Variants in GBE1 observed in about 807,000 individuals in gnomAD.
The protein encoded by GBE1 is 1,4-alpha-glucan branching enzyme 1, also known as 1,4-alpha-glucan-branching enzyme.
In GBE1, 70 loss-of-function variants were observed where a neutral mutation model predicts 88.8. The observed-to-expected ratio is 0.79, with a 90% CI of 0.65 to 0.96. GBE1 has a LOEUF of 0.96. Ranked by LOEUF, GBE1 falls within the 40% of genes least tolerant of loss-of-function variation. The pLI is 0.00. For synonymous variants in GBE1, 284 were observed against 300.1 expected (o/e 0.95, Z 0.56); for missense variants, 872 against 871.0 (o/e 1.00, Z -0.01).
chr3:81,546,201 C>T (rs531238741), intron 12 of GBE1, among the ~76,000 whole-genome samples: 1 of 150,798 alleles, frequency 6.6e-6, no homozygotes, highest in Non-Finnish European at 1.5e-5. Flanking sequence ...ACTGTACATG[C>T]ACACACACAC....
At chr3:81,525,389 T>C (rs1262471694) in intron 14 of GBE1, among the ~76,000 whole-genome samples, 1 of 152,070 alleles carries the variant, frequency 6.6e-6, no homozygotes, top group Non-Finnish European at 1.5e-5. Flanking sequence ...GCCCACTTGA[T>C]CATGGTGGAT....
At chr3:81,753,585 C>A (rs1388520661) in intron 1 of GBE1, among the ~76,000 whole-genome samples, 3 of 152,182 alleles carry the variant, frequency 2.0e-5, no homozygotes, top group African/African-American at 4.8e-5. Context: ...AGTTACAACA[C>A]ACACAGTCAT....
chr3:81,601,309 G>A (rs1460388874), intron 7 of GBE1, among the ~76,000 whole-genome samples: 2 of 152,128 alleles, frequency 1.3e-5, no homozygotes, highest in Admixed American at 6.6e-5. Context: ...GATCACTCAG[G>A]TAATAGGTAC....
intron 1 of GBE1, among the ~76,000 whole-genome samples, chr3:81,747,969 A>T (rs973960976): frequency 1.3e-5 from 2 of 152,182 alleles, no homozygotes; most frequent in East Asian, 3.8e-4. Flanking sequence ...TGGTCTCTTC[A>T]CACGGACGCG....
chr3:81,581,929 CT>C (rs1468371151), intron 10 of GBE1, among the ~76,000 whole-genome samples: 1 of 152,014 alleles, frequency 6.6e-6, no homozygotes. Context: ...TAAGTAGATA[CT>C]TGCTATACAT....
intron 7 of GBE1, among the ~76,000 whole-genome samples, chr3:81,638,475 T>C (rs536127404): frequency 6.6e-6 from 1 of 152,294 alleles, no homozygotes; most frequent in African/African-American, 2.4e-5. Context: ...AGTGCATTTA[T>C]GTAGTGCCAG....
At chr3:81,530,760 G>A (rs1703000671) in intron 14 of GBE1, among the ~76,000 whole-genome samples, 1 of 151,884 alleles carries the variant, frequency 6.6e-6, no homozygotes, top group South Asian at 2.1e-4. Flanking sequence ...GACTGTGCTG[G>A]GTCACACTTG....
At chr3:81,693,643 A>G (rs920910374) in intron 2 of GBE1, among the ~76,000 whole-genome samples, 1 of 152,178 alleles carries the variant, frequency 6.6e-6, no homozygotes, top group Non-Finnish European at 1.5e-5. Context: ...TAAGGGAAGG[A>G]AAGCAGGGGT....
At chr3:81,724,711 A>G (rs1706082997) in intron 1 of GBE1, among the ~76,000 whole-genome samples, 1 of 150,628 alleles carries the variant, frequency 6.6e-6, no homozygotes, top group South Asian at 2.1e-4. Context: ...TCATTGAAAG[A>G]AAAGAAATTT....
At chr3:81,738,953 G>A (rs1032108600) in intron 1 of GBE1, among the ~76,000 whole-genome samples, 1 of 152,158 alleles carries the variant, frequency 6.6e-6, no homozygotes, top group African/African-American at 2.4e-5. Context: ...GTTAGTCCAA[G>A]ATCAAGGTGC....
chr3:81,511,462 A>T (rs1702724742), intron 14 of GBE1, among the ~76,000 whole-genome samples: 2 of 151,892 alleles, frequency 1.3e-5, no homozygotes, highest in Non-Finnish European at 2.9e-5. Context: ...TATGGAATTC[A>T]TAAGGAACTT....
At chr3:81,671,681 C>A (rs1705193070) in intron 2 of GBE1, among the ~76,000 whole-genome samples, 2 of 152,044 alleles carry the variant, frequency 1.3e-5, no homozygotes, top group Admixed American at 1.3e-4. Context: ...TGGATTAATA[C>A]TTATACATGA....
chr3:81,531,153 T>C (rs1703007044), intron 14 of GBE1, among the ~76,000 whole-genome samples: 1 of 151,702 alleles, frequency 6.6e-6, no homozygotes, highest in Non-Finnish European at 1.5e-5. Context: ...TGATGTTTGT[T>C]CAAAGCCCAA....
chr3:81,730,883 T>C (rs1706176134), intron 1 of GBE1, among the ~76,000 whole-genome samples: 1 of 152,150 alleles, frequency 6.6e-6, no homozygotes, highest in African/African-American at 2.4e-5. Context: ...CCAGTTATTT[T>C]CTCTGTTTTG....
chr3:81,655,993 TTTTG>T (rs1438794734), intron 3 of GBE1, among the ~76,000 whole-genome samples: 2 of 152,232 alleles, frequency 1.3e-5, no homozygotes, highest in African/African-American at 4.8e-5. Context: ...TTTTGTTTTG[TTTTG>T]TTTAAAACAG....
chr3:81,629,363 A>G (rs1434869729), intron 7 of GBE1, among the ~76,000 whole-genome samples: 2 of 151,604 alleles, frequency 1.3e-5, no homozygotes, highest in East Asian at 3.9e-4. Context: ...TGAACTCATC[A>G]TTTTTTATGG....
At chr3:81,739,685 T>C (rs912729503) in intron 1 of GBE1, among the ~76,000 whole-genome samples, 3 of 152,142 alleles carry the variant, frequency 2.0e-5, no homozygotes, top group South Asian at 2.1e-4. Flanking sequence ...TCTAGTTACC[T>C]TTTTTTATTG....
In GBE1 at chr3:81,535,292, T is replaced by C. The variant is rs2106869666; in HGVS notation, c.1837A>G (p.Ile613Val). The C allele has an allele frequency of 6.2e-7, 1 of 1,610,634 alleles. No individual in the cohort carries two copies. The highest frequency in any genetic ancestry group is 8.5e-7 in the Non-Finnish European group (1 of 1,178,252). The change falls in exon 14 of 16, where the codon ATC becomes GTC. Residue 613 changes from isoleucine to valine, a missense_variant. Transcript: ENST00000429644. Reference sequence around the variant, plus strand: ...AGACCTGCTCTTTCAAAAGCAATGATCTTATTGCCTTCATGTTTTTCACTC... The same window carrying C: ...AGACCTGCTCTTTCAAAAGCAATGACCTTATTGCCTTCATGTTTTTCACTC... ...YVSEKHEGNK[I>V]IAFERAGLLF...
At chr3:81,716,115 C>T (rs1471140965) in intron 1 of GBE1, among the ~76,000 whole-genome samples, 1 of 152,082 alleles carries the variant, frequency 6.6e-6, no homozygotes, top group Non-Finnish European at 1.5e-5. Context: ...ATAAACACAT[C>T]CTCAGTCCAC....
Sources: allele counts gnomAD v4.1 joint callset (sites outside exome capture counted in the v4.1 genomes callset), GRCh38; gene constraint gnomAD v4.1.1; transcripts MANE v1.5; gene names NCBI Gene and HGNC (gene_info 2026-07-23, HGNC 2026-07-21).